Variants in GLYR1 observed in about 807,000 individuals in gnomAD.
GLYR1 encodes the protein glyoxylate reductase 1 homolog.
Under a neutral mutation model 72.7 loss-of-function variants are expected in GLYR1, and 21 were observed. That is an observed-to-expected ratio of 0.29 (90% CI 0.20 to 0.42). The LOEUF (loss-of-function observed/expected upper bound fraction) is 0.42. GLYR1 is among the 10% of genes least tolerant of loss of function. The probability of loss-of-function intolerance (pLI) is 1.00; values close to 1 mark genes in which losing one functional copy is unlikely to be tolerated. For missense variants in GLYR1, 594 were observed against 712.1 expected (o/e 0.83, Z 1.89); for synonymous variants, 392 against 270.2 (o/e 1.45, Z -4.42).
At chr16:4,814,035 C>A in intron 11 of GLYR1, 197 bp from the exon 12 acceptor site, 1 of 467,898 alleles carries the variant, frequency 2.1e-6, no homozygotes, top group Non-Finnish European at 3.8e-6. Context: ...TAAAAAGAAT[C>A]TATGTGAGTG....
intron 15 of GLYR1, among the ~76,000 whole-genome samples, chr16:4,810,699 TAAAAAAAA>T (rs551202037): frequency 3.4e-3 from 75 of 21,818 alleles, no homozygotes; most frequent in East Asian, 0.022. Context: ...CTGTCTCTAC[TAAAAAAAA>T]AAAAAAAAAA....
chr16:4,836,143 C>G (rs1194280279), intron 3 of GLYR1, among the ~76,000 whole-genome samples: 2 of 152,062 alleles, frequency 1.3e-5, no homozygotes, highest in Non-Finnish European at 2.9e-5. Flanking sequence ...GTTGGCGCCT[C>G]AACAATGCAC....
At chr16:4,841,580 G>C (rs995789920) in intron 3 of GLYR1, among the ~76,000 whole-genome samples, 1 of 151,040 alleles carries the variant, frequency 6.6e-6, no homozygotes, top group Non-Finnish European at 1.5e-5. Flanking sequence ...GGGAAGTCAA[G>C]GATGCAGTAA....
intron 12 of GLYR1, 75 bp downstream of exon 12, chr16:4,813,662 G>A: frequency 1.6e-6 from 2 of 1,270,806 alleles, no homozygotes; most frequent in Admixed American, 2.0e-5. Context: ...TAACTTAACT[G>A]CCCACTCTTG....
At chr16:4,834,170 C>T (rs1025682326) in intron 3 of GLYR1, among the ~76,000 whole-genome samples, 4 of 152,100 alleles carry the variant, frequency 2.6e-5, no homozygotes, top group South Asian at 2.1e-4. Context: ...CTGGGATCAT[C>T]GGCCTGCAGA....
intron 3 of GLYR1, among the ~76,000 whole-genome samples, chr16:4,838,114 G>A (rs1353610145): frequency 6.6e-6 from 1 of 152,090 alleles, no homozygotes; most frequent in Non-Finnish European, 1.5e-5. Flanking sequence ...AGGGGCTGAA[G>A]ATTACTGAGG....
chr16:4,823,950 C>T lies in GLYR1; in HGVS notation c.538-43G>A, dbSNP rs754675823. 14 of 1,475,360 alleles carry T rather than the reference C, an allele frequency of 9.5e-6. No individual in the cohort carries two copies. The Admixed American group carries it at 1.2e-4, about 12-fold the overall frequency. 91.4% of individuals were successfully genotyped at this position (1,475,360 alleles called of 1,614,324 possible). On this transcript the variant is annotated intron_variant, in intron 5 of 15. Transcript: ENST00000321919. ...GGGCATTTTAAAATCACATTCAAAC[C>T]CCAACAAAACCCCTTGCAAGCTCCA... is the stretch of plus-strand genomic sequence containing the variant.
intron 3 of GLYR1, among the ~76,000 whole-genome samples, chr16:4,844,598 C>G (rs1038239219): frequency 7.2e-5 from 11 of 151,958 alleles, no homozygotes; most frequent in Non-Finnish European, 1.5e-4. Context: ...TGGTAAAACC[C>G]CCTCTACAAA....
chr16:4,846,961 CGCCAGTA>C, intron 1 of GLYR1: 1 of 503,842 alleles, frequency 2.0e-6, no homozygotes, highest in East Asian at 3.7e-5. Context: ...TCACGGGGGC[CGCCAGTA>C]TCTGGGCCCC....
Position 4,847,210 on chromosome 16 carries a change from C to T in GLYR1, c.38+18G>A. 1 of 1,599,928 alleles carries T rather than the reference C, an allele frequency of 6.3e-7. No homozygotes were observed. On this transcript the variant is annotated intron_variant, in intron 1 of 15. Coordinates refer to ENST00000321919, the MANE Select transcript of GLYR1 (RefSeq NM_032569.4). ...AGCTCCCCGGCGCGTCTCGGTTGGCCCGGCCGCTCGGACTCACCACACCAA... is the reference window on the plus strand; with the variant it reads ...AGCTCCCCGGCGCGTCTCGGTTGGCTCGGCCGCTCGGACTCACCACACCAA...
rs1166213124 is a variant in GLYR1 at position 4,818,102 on chromosome 16, C to T, written c.807-405G>A. Among the ~76,000 whole-genome samples, 3 of 151,646 alleles carry T rather than the reference C, an allele frequency of 2.0e-5. No individual in the cohort carries two copies. In the East Asian group the frequency reaches 5.8e-4, roughly 29 times the overall value. On this transcript the variant is annotated intron_variant, in intron 9 of 15. Transcript: ENST00000321919. ...CTCTGCATCCTGGGTTCAAGCGATT[C>T]TCCTGCCTCAGCTTTCTGAGTAGCT...
At position 4,847,266 on chromosome 16, in the gene GLYR1, C is replaced by T. The variant is rs984062270; in HGVS notation, c.-1G>A. On this transcript the variant is annotated 5_prime_UTR_variant, in exon 1 of 16. Transcript: ENST00000321919. ...CGAGCCGCAGACTCACAGCCGCCAT[C>T]TTACCACCCAACCACCGCCGACGCA... is the stretch of plus-strand genomic sequence containing the variant. 2 of 1,610,428 alleles carry T rather than the reference C, an allele frequency of 1.2e-6. No homozygotes were observed. Among genetic ancestry groups the T allele is most frequent in the Non-Finnish European group, 1.7e-6 (2 of 1,179,080 alleles).
At chr16:4,814,086 C>G (rs1209042100) in intron 11 of GLYR1, 4 of 390,560 alleles carry the variant, frequency 1.0e-5, no homozygotes, top group African/African-American at 2.1e-5. Context: ...AAAACAAACC[C>G]CATTTAAAAG....
At chr16:4,823,417 C>G (rs1447390817) in intron 6 of GLYR1, among the ~76,000 whole-genome samples, 1 of 152,228 alleles carries the variant, frequency 6.6e-6, no homozygotes, top group Non-Finnish European at 1.5e-5. Context: ...TTATGCCCAG[C>G]AACAGGTGTA....
In GLYR1 at chr16:4,846,214, G is replaced by C. The variant is rs767037176; in HGVS notation, c.39-4C>G. On this transcript the variant is annotated splice_polypyrimidine_tract_variant and splice_region_variant and intron_variant, in intron 1 of 15. Coordinates refer to ENST00000321919, the MANE Select transcript of GLYR1 (RefSeq NM_032569.4). ...AGGATATCGGCCGAGTTTCCCCCTA[G>C]AGAAAACACAAAGAGTCAACACTTG... The C allele has an allele frequency of 1.2e-6, 2 of 1,613,816 alleles. No individual in the cohort carries two copies. The highest frequency in any genetic ancestry group is 1.1e-5 in the South Asian group (1 of 91,066).
At chr16:4,808,690 C>T (rs991536342) in intron 15 of GLYR1, among the ~76,000 whole-genome samples, 1 of 151,488 alleles carries the variant, frequency 6.6e-6, no homozygotes, top group Non-Finnish European at 1.5e-5. Flanking sequence ...CACAAAGTGT[C>T]ATTTTTATTA....
intron 9 of GLYR1, among the ~76,000 whole-genome samples, chr16:4,818,743 G>T (rs922049310): frequency 1.3e-5 from 2 of 152,032 alleles, no homozygotes; most frequent in African/African-American, 4.8e-5. Context: ...CCGTCTTCCC[G>T]TTATCAACAG....
At chr16:4,832,492 T>C (rs1470262894) in intron 4 of GLYR1, 1 of 570,094 alleles carries the variant, frequency 1.8e-6, no homozygotes, top group South Asian at 2.5e-5. Context: ...TCCTAATCTG[T>C]GTGCTATGAA....
At chr16:4,838,594 T>TC (rs1567799892) in intron 3 of GLYR1, among the ~76,000 whole-genome samples, 1 of 151,056 alleles carries the variant, frequency 6.6e-6, no homozygotes. Context: ...AACTTTTCTT[T>TC]TTTTTTTTTT....
Sources: allele counts gnomAD v4.1 joint callset (sites outside exome capture counted in the v4.1 genomes callset), GRCh38; gene constraint gnomAD v4.1.1; transcripts MANE v1.5; gene names NCBI Gene and HGNC (gene_info 2026-07-23, HGNC 2026-07-21).